Variants in TOX3 observed in about 807,000 individuals in gnomAD.
TOX3 encodes the protein TOX high mobility group box family member 3, also known as CAG trinucleotide repeat-containing gene F9 protein.
In TOX3, 22 loss-of-function variants were observed where a neutral mutation model predicts 64.3. The ratio of observed to expected loss-of-function variants is 0.34; its 90% CI spans 0.24 to 0.49. The LOEUF is 0.49. TOX3 is among the 20% of genes least tolerant of loss of function. The probability of loss-of-function intolerance (pLI) is 0.99; values close to 1 mark genes in which losing one functional copy is unlikely to be tolerated. For missense variants in TOX3, 661 were observed against 714.4 expected, an observed-to-expected ratio of 0.93 and a Z score of 0.85; for synonymous variants, 291 against 273.6, an observed-to-expected ratio of 1.06 and a Z score of -0.63.
intron 5 of TOX3, 178 bp from the exon 6 acceptor site, chr16:52,444,534 C>CAT (rs1567309831): frequency 4.6e-6 from 2 of 436,006 alleles, no homozygotes; most frequent in South Asian, 6.8e-5. Context: ...CACACACACA[C>CAT]GGATATTAAA....
Position 52,493,056 on chromosome 16 carries a change from A to T in TOX3, c.88-24482T>A, listed in dbSNP as rs79536625. The stretch of plus-strand genomic sequence containing the variant: ...ACTGAACACAGAGCAAGTGGACAGA[A>T]CCAAGCTTCCCTGTGCTTAGTCAAT... On this transcript the variant is annotated intron_variant, in intron 1 of 6. Transcript: ENST00000219746. Among the ~76,000 whole-genome samples, 293 of 152,300 alleles carry T rather than the reference A, an allele frequency of 1.9e-3. 5 individuals carry two copies. The highest frequency in any genetic ancestry group is 0.019 in the East Asian group (97 of 5,182).
chr16:52,508,725 G>A (rs1278775104), intron 1 of TOX3, among the ~76,000 whole-genome samples: 1 of 152,100 alleles, frequency 6.6e-6, no homozygotes, highest in Non-Finnish European at 1.5e-5. Flanking sequence ...AGTTGCAACT[G>A]AGAAGCGCAC....
chr16:52,518,871 T>G (rs773475650), intron 1 of TOX3, among the ~76,000 whole-genome samples: 2 of 152,262 alleles, frequency 1.3e-5, no homozygotes, highest in Non-Finnish European at 2.9e-5. Flanking sequence ...GTTTCTGATT[T>G]GAATCGTATT....
At chr16:52,517,679 C>T (rs1489476767) in intron 1 of TOX3, among the ~76,000 whole-genome samples, 1 of 152,040 alleles carries the variant, frequency 6.6e-6, no homozygotes, top group African/African-American at 2.4e-5. Context: ...ATGCCCCACC[C>T]AGAAGACCAA....
intron 1 of TOX3, among the ~76,000 whole-genome samples, chr16:52,483,566 T>G (rs1011163548): frequency 7.1e-6 from 1 of 140,244 alleles, no homozygotes; most frequent in Non-Finnish European, 1.5e-5. Context: ...GCAGTTTGGT[T>G]TTTTTTTTTT....
At chr16:52,545,051 C>T (rs1200838627) in intron 1 of TOX3, among the ~76,000 whole-genome samples, 1 of 152,198 alleles carries the variant, frequency 6.6e-6, no homozygotes, top group South Asian at 2.1e-4. Context: ...TAGGTAGATT[C>T]TCAGAAACAC....
intron 1 of TOX3, chr16:52,519,559 A>G (rs1157233904): frequency 2.0e-6 from 3 of 1,497,754 alleles, no homozygotes; most frequent in African/African-American, 2.8e-5. Flanking sequence ...GATGGGGTTC[A>G]GTGAGAGAAA....
At chr16:52,449,365 C>T (rs1340555049) in intron 4 of TOX3, among the ~76,000 whole-genome samples, 1 of 152,118 alleles carries the variant, frequency 6.6e-6, no homozygotes, top group South Asian at 2.1e-4. Context: ...CCTCACTAGC[C>T]CCCAACCAAA....
chr16:52,516,694 A>T (rs769314557), intron 1 of TOX3, among the ~76,000 whole-genome samples: 16 of 152,230 alleles, frequency 1.1e-4, no homozygotes, highest in Non-Finnish European at 1.5e-4. Context: ...AACTTAGTTG[A>T]TATAAATGAA....
chr16:52,490,095 A>T (rs1375871377), intron 1 of TOX3, among the ~76,000 whole-genome samples: 1 of 151,994 alleles, frequency 6.6e-6, no homozygotes, highest in Non-Finnish European at 1.5e-5. Flanking sequence ...TTTTTAACGC[A>T]GTATGCCAAG....
intron 1 of TOX3, among the ~76,000 whole-genome samples, chr16:52,498,552 C>T (rs1961912331): frequency 6.6e-6 from 1 of 152,118 alleles, no homozygotes; most frequent in Admixed American, 6.5e-5. Context: ...TGACCTGCCT[C>T]CCAACATCCC....
At chr16:52,507,966 AC>A (rs1330024615) in intron 1 of TOX3, among the ~76,000 whole-genome samples, 1 of 152,244 alleles carries the variant, frequency 6.6e-6, no homozygotes, top group Non-Finnish European at 1.5e-5. Flanking sequence ...TGATGTTTGC[AC>A]AACTATAACA....
intron 1 of TOX3, among the ~76,000 whole-genome samples, chr16:52,514,740 G>A (rs925124466): frequency 2.6e-5 from 4 of 152,148 alleles, no homozygotes; most frequent in East Asian, 1.9e-4. Context: ...GGCCAGGTGC[G>A]GTGGCTTAGG....
At chr16:52,504,262 C>T (rs887959916) in intron 1 of TOX3, among the ~76,000 whole-genome samples, 1 of 151,910 alleles carries the variant, frequency 6.6e-6, no homozygotes, top group Non-Finnish European at 1.5e-5. Context: ...GTCAGGAGAT[C>T]GAGACCATCC....
At chr16:52,459,020 T>C (rs1053659940) in intron 3 of TOX3, among the ~76,000 whole-genome samples, 1 of 152,122 alleles carries the variant, frequency 6.6e-6, no homozygotes, top group Non-Finnish European at 1.5e-5. Context: ...CAATCTCTAA[T>C]GATTAAAAAC....
chr16:52,439,491 G>T lies in TOX3; in HGVS notation c.1465C>A (p.His489Asn). The T allele has an allele frequency of 7.2e-7, 1 of 1,397,952 alleles. No individual in the cohort carries two copies. Among genetic ancestry groups the T allele is most frequent in the Non-Finnish European group, 9.9e-7 (1 of 1,007,446 alleles). 86.6% of individuals were successfully genotyped at this position (1,397,952 alleles called of 1,614,324 possible). The change falls in exon 7 of 7, where the codon CAC becomes AAC. Residue 489 changes from histidine to asparagine, a missense_variant. His to Asn is a moderately conservative substitution (Grantham distance 68, BLOSUM62 1). Coordinates refer to ENST00000219746, the MANE Select transcript of TOX3 (RefSeq NM_001080430.4). The part of the protein sequence containing the change: ...QQHFQHHMQQ[H>N]LQQQQQHLQQ... Reference sequence around the variant, plus strand: ...AGATGCTGCTGCTGCTGCTGCAGGTGCTGCTGCATGTGGTGCTGGAAATGC... The same window carrying T: ...AGATGCTGCTGCTGCTGCTGCAGGTTCTGCTGCATGTGGTGCTGGAAATGC...
rs911135710 is a variant in TOX3 at position 52,448,027 on chromosome 16, C to A, written c.679-1806G>T. 2.0e-5 allele frequency among the ~76,000 whole-genome samples: 3 copies of A among 152,156 alleles called. No homozygotes were observed. The South Asian group carries it at 6.2e-4, about 32-fold the overall frequency. On this transcript the variant is annotated intron_variant, in intron 4 of 6. Transcript: ENST00000219746. ...ATATTCAAATGTCGACCACCTTTGA[C>A]GCCTTTCTTGGATAACCATGATGTG...
In TOX3 at chr16:52,437,734, G is replaced by A. The variant is rs1567305121; in HGVS notation, c.*1491C>T. Among the ~76,000 whole-genome samples the A allele has an allele frequency of 1.4e-5, 2 of 142,780 alleles. No homozygotes were observed. Among genetic ancestry groups the A allele is most frequent in the Admixed American group, 7.4e-5 (1 of 13,538 alleles). 93.7% of individuals were successfully genotyped at this position (142,780 alleles called of 152,430 possible). A position where few individuals can be genotyped will look rare whatever the true frequency, so the allele number is the denominator to read the frequency against. Reference sequence around the variant, plus strand: ...ACATTACAATACCCAGCTAGTTCTAGCCCCCTCAAAAAAGCGATTACTTTT... The same window carrying A: ...ACATTACAATACCCAGCTAGTTCTAACCCCCTCAAAAAAGCGATTACTTTT... On this transcript the variant is annotated 3_prime_UTR_variant, in exon 7 of 7. Coordinates refer to ENST00000219746, the MANE Select transcript of TOX3 (RefSeq NM_001080430.4).
intron 3 of TOX3, among the ~76,000 whole-genome samples, chr16:52,452,875 A>T (rs971478202): frequency 1.9e-4 from 29 of 152,224 alleles, no homozygotes; most frequent in Admixed American, 4.6e-4. Flanking sequence ...CACAAGTATC[A>T]GAACACCACA....
Sources: allele counts gnomAD v4.1 joint callset (sites outside exome capture counted in the v4.1 genomes callset), GRCh38; gene constraint gnomAD v4.1.1; transcripts MANE v1.5; gene names NCBI Gene and HGNC (gene_info 2026-07-23, HGNC 2026-07-21).